Variants in STK32A observed in about 807,000 individuals in gnomAD.
STK32A encodes serine/threonine kinase 32A, also known as serine/threonine-protein kinase 32A.
A neutral mutation model predicts 53.2 loss-of-function variants in STK32A; 41 were observed. That is an observed-to-expected ratio of 0.77 (90% CI 0.60 to 1.00). STK32A has a LOEUF of 1.00. Among genes scored for constraint, STK32A ranks in the 50% least tolerant of loss-of-function variants. The pLI is 0.00. For missense variants in STK32A, 458 were observed against 485.8 expected, an observed-to-expected ratio of 0.94 and a Z score of 0.54; for synonymous variants, 166 against 162.8, an observed-to-expected ratio of 1.02 and a Z score of -0.15.
chr5:147,314,369 G>T (rs1753853083), intron 4 of STK32A, among the ~76,000 whole-genome samples: 1 of 151,842 alleles, frequency 6.6e-6, no homozygotes, highest in Non-Finnish European at 1.5e-5. Context: ...GTGGTGTCAG[G>T]TACCTGTATC....
chr5:147,239,185 G>C lies in STK32A; in HGVS notation c.-96-354G>C, dbSNP rs115011252. 8.8e-3 allele frequency among the ~76,000 whole-genome samples: 1,334 copies of C among 152,182 alleles called. 20 individuals are homozygous for C. Among genetic ancestry groups the C allele is most frequent in the African/African-American group, 0.031 (1,286 of 41,520 alleles). Reference sequence around the variant, plus strand: ...TTTATGACTAAAAAAGAAAATTTTTGTTGTTGATTACCCAGTAACAACAAG... The same window carrying C: ...TTTATGACTAAAAAAGAAAATTTTTCTTGTTGATTACCCAGTAACAACAAG... On this transcript the variant is annotated intron_variant, in intron 1 of 12. Transcript: ENST00000397936.
chr5:147,401,606 A>G, the STK32A span: 1 of 1,614,022 alleles, frequency 6.2e-7, no homozygotes, highest in Non-Finnish European at 8.5e-7. Context: ...GGATGTCACA[A>G]ATGCAGCCGC....
intron 2 of STK32A, among the ~76,000 whole-genome samples, chr5:147,242,614 G>A (rs962658962): frequency 6.6e-6 from 1 of 152,078 alleles, no homozygotes; most frequent in Non-Finnish European, 1.5e-5. Flanking sequence ...GACATGAAAA[G>A]AATAGTTCAA....
At chr5:147,351,571 G>A (rs150470172) in intron 7 of STK32A, among the ~76,000 whole-genome samples, 188 of 152,072 alleles carry the variant, frequency 1.2e-3, no homozygotes, top group African/African-American at 2.5e-3. Flanking sequence ...AAACAAGGCC[G>A]GGCATGGTGG....
In STK32A at chr5:147,387,081, A is replaced by G. The variant is rs1249963780; in HGVS notation, c.*3098A>G. On this transcript the variant is annotated 3_prime_UTR_variant, in exon 13 of 13. Coordinates refer to ENST00000397936, the MANE Select transcript of STK32A (RefSeq NM_001112724.2). ...TTCTCCCAGTGCTTCCCTTGCCTGT[A>G]TGGAGCATCTGCAAAGTCTGAGCAG... 6.6e-6 allele frequency: 1 copy of G among 152,224 alleles called. No individual in the cohort carries two copies. Among genetic ancestry groups the G allele is most frequent in the Non-Finnish European group, 1.5e-5 (1 of 68,060 alleles). The allele number at this position is 152,224 out of a possible 1,614,324, so 9.4% of individuals were successfully genotyped here.
intron 7 of STK32A, among the ~76,000 whole-genome samples, chr5:147,351,403 C>T (rs888166946): frequency 6.6e-6 from 1 of 152,110 alleles, no homozygotes; most frequent in African/African-American, 2.4e-5. Context: ...CACTTCCTAA[C>T]AAAAATATTA....
chr5:147,296,297 T>C (rs1414740105), intron 4 of STK32A, among the ~76,000 whole-genome samples: 1 of 152,028 alleles, frequency 6.6e-6, no homozygotes, highest in Non-Finnish European at 1.5e-5. Flanking sequence ...GGAAGTAAAG[T>C]ACACTTGGAA....
chr5:147,358,785 A>G (rs959419454), intron 7 of STK32A, among the ~76,000 whole-genome samples: 8 of 152,100 alleles, frequency 5.3e-5, no homozygotes, highest in Admixed American at 2.0e-4. Context: ...GCACTGAAAT[A>G]AATAAATAGG....
intron 2 of STK32A, among the ~76,000 whole-genome samples, chr5:147,271,528 C>G (rs912959879): frequency 1.3e-5 from 2 of 152,122 alleles, no homozygotes; most frequent in African/African-American, 2.4e-5. Context: ...CGCCGGTGAG[C>G]CGGGAGGAAC....
At chr5:147,332,383 G>A (rs1754914019) in intron 5 of STK32A, among the ~76,000 whole-genome samples, 1 of 151,586 alleles carries the variant, frequency 6.6e-6, no homozygotes, top group Non-Finnish European at 1.5e-5. Flanking sequence ...CCTGTCCAAG[G>A]TGTGTTGTTT....
intron 7 of STK32A, among the ~76,000 whole-genome samples, chr5:147,355,177 T>C (rs1403599408): frequency 1.3e-5 from 2 of 152,326 alleles, no homozygotes; most frequent in East Asian, 1.9e-4. Flanking sequence ...TACAAGATGC[T>C]GAGCATATTT....
intron 4 of STK32A, among the ~76,000 whole-genome samples, chr5:147,310,736 T>A (rs181564057): frequency 6.6e-6 from 1 of 152,348 alleles, no homozygotes; most frequent in East Asian, 1.9e-4. Context: ...TTCCTCATTA[T>A]CATCTGAGCA....
chr5:147,353,198 G>A (rs1273584225), intron 7 of STK32A, among the ~76,000 whole-genome samples: 1 of 152,222 alleles, frequency 6.6e-6, no homozygotes, highest in Admixed American at 6.5e-5. Context: ...ATAGAAGGAC[G>A]TGTGTGAGAG....
intron 11 of STK32A, among the ~76,000 whole-genome samples, chr5:147,378,328 G>A (rs985420895): frequency 3.9e-5 from 6 of 152,098 alleles, no homozygotes; most frequent in Admixed American, 3.9e-4. Flanking sequence ...AGCATTTCAA[G>A]GCTGGCACAT....
At chr5:147,360,187 C>T (rs1756431699) in intron 7 of STK32A, among the ~76,000 whole-genome samples, 1 of 152,050 alleles carries the variant, frequency 6.6e-6, no homozygotes, top group South Asian at 2.1e-4. Context: ...CAGTGACTCA[C>T]ACCTGTAATC....
chr5:147,354,751 G>C (rs1756139632), intron 7 of STK32A, among the ~76,000 whole-genome samples: 1 of 152,146 alleles, frequency 6.6e-6, no homozygotes, highest in Non-Finnish European at 1.5e-5. Flanking sequence ...TTTAAATCAA[G>C]CTCTGTCTGA....
chr5:147,309,682 T>A (rs1194362467), intron 4 of STK32A, among the ~76,000 whole-genome samples: 1 of 152,216 alleles, frequency 6.6e-6, no homozygotes, highest in African/African-American at 2.4e-5. Context: ...ATGTCACTTT[T>A]TAAGACAACT....
At chr5:147,339,149 A>C (rs1220919619) in intron 5 of STK32A, among the ~76,000 whole-genome samples, 1 of 152,148 alleles carries the variant, frequency 6.6e-6, no homozygotes, top group Admixed American at 6.5e-5. Flanking sequence ...GGGAGGAAAA[A>C]TGGTTTCATG....
chr5:147,262,566 A>C (rs1014927461), intron 2 of STK32A, among the ~76,000 whole-genome samples: 6 of 150,288 alleles, frequency 4.0e-5, no homozygotes, highest in Non-Finnish European at 8.9e-5. Context: ...ATCATTCATT[A>C]TACCTATTTT....
Sources: allele counts gnomAD v4.1 joint callset (sites outside exome capture counted in the v4.1 genomes callset), GRCh38; gene constraint gnomAD v4.1.1; transcripts MANE v1.5; gene names NCBI Gene and HGNC (gene_info 2026-07-23, HGNC 2026-07-21).